PTPRD: variants seen among roughly 807,000 people sequenced by gnomAD.
PTPRD encodes protein tyrosine phosphatase receptor type D.
PTPRD carries 34 observed loss-of-function variants against 214.5 expected under a neutral mutation model. That is an observed-to-expected ratio of 0.16 (90% CI 0.12 to 0.21). The LOEUF (loss-of-function observed/expected upper bound fraction) is 0.21. Ranked by LOEUF, PTPRD falls within the 10% of genes least tolerant of loss-of-function variation. PTPRD has a pLI of 1.00. For synonymous variants in PTPRD, 1,128 were observed against 845.7 expected (o/e 1.33, Z -5.79); for missense variants, 2,545 against 2,398.7 (o/e 1.06, Z -1.27).
Position 10,077,326 on chromosome 9 carries a change from C to T in PTPRD, c.-544-43536G>A, listed in dbSNP as rs181509826. ...TTTCACATATTTCCAGTAATTCATG[C>T]AAATGTACTCTAGCTTCCTAACTTG... On this transcript the variant is annotated intron_variant, in intron 3 of 45. Coordinates refer to ENST00000381196, the MANE Select transcript of PTPRD (RefSeq NM_002839.4). 1.4e-3 allele frequency among the ~76,000 whole-genome samples: 215 copies of T among 152,204 alleles called. 2 individuals carry two copies. Among genetic ancestry groups the T allele is most frequent in the Admixed American group, 6.0e-3 (91 of 15,284 alleles).
intron 2 of PTPRD, among the ~76,000 whole-genome samples, chr9:10,417,082 T>C (rs2098498322): frequency 6.6e-6 from 1 of 151,794 alleles, no homozygotes; most frequent in South Asian, 2.1e-4. Flanking sequence ...CAACAAACTG[T>C]GGGGTTGCAG....
chr9:8,332,696 A>G (rs886191152), intron 43 of PTPRD, among the ~76,000 whole-genome samples: 2 of 152,062 alleles, frequency 1.3e-5, no homozygotes, highest in Admixed American at 6.6e-5. Context: ...TTCTAGAAGT[A>G]CAAGAAAAGT....
intron 3 of PTPRD, among the ~76,000 whole-genome samples, chr9:10,324,775 CT>C (rs2154430281): frequency 6.6e-6 from 1 of 152,112 alleles, no homozygotes; most frequent in East Asian, 1.9e-4. Flanking sequence ...CTATTCCAAG[CT>C]TTTGAAATAC....
chr9:10,276,713 G>A (rs145787866), intron 3 of PTPRD, among the ~76,000 whole-genome samples: 37 of 152,258 alleles, frequency 2.4e-4, no homozygotes, highest in African/African-American at 8.7e-4. Context: ...TCTTATGGCT[G>A]GCAATAATAG....
In PTPRD at chr9:10,283,893, C is replaced by G. The variant is rs145026407; in HGVS notation, c.-545+57070G>C. On this transcript the variant is annotated intron_variant, in intron 3 of 45. Coordinates refer to ENST00000381196, the MANE Select transcript of PTPRD (RefSeq NM_002839.4). Reference sequence around the variant, plus strand: ...TCAGTGTGACTAGAATTCACAAGTCCTATATGTTGCACCATGAGGAAATTG... The same window carrying G: ...TCAGTGTGACTAGAATTCACAAGTCGTATATGTTGCACCATGAGGAAATTG... Among the ~76,000 whole-genome samples the G allele has an allele frequency of 2.3e-3, 350 of 152,180 alleles. 6 individuals carry two copies. In the East Asian group the frequency reaches 0.03, roughly 13 times the overall value.
chr9:9,746,789 G>A (rs576877240), intron 6 of PTPRD, among the ~76,000 whole-genome samples: 3 of 149,972 alleles, frequency 2.0e-5, no homozygotes, highest in South Asian at 2.1e-4. Flanking sequence ...TTCAGGGTGT[G>A]AAGATAGACA....
intron 7 of PTPRD, among the ~76,000 whole-genome samples, chr9:9,694,744 CTGCCACCACCACTGGTTCATCTGCCA>C: frequency 6.6e-6 from 1 of 152,270 alleles, no homozygotes; most frequent in South Asian, 2.1e-4. Flanking sequence ...CTCCCTGTGG[CTGCCACCACCACTGGTTCATCTGCCA>C]TGCCACCACC....
At chr9:10,409,616 T>C (rs2098413648) in intron 2 of PTPRD, among the ~76,000 whole-genome samples, 1 of 151,848 alleles carries the variant, frequency 6.6e-6, no homozygotes, top group South Asian at 2.1e-4. Flanking sequence ...CATTTATGCA[T>C]ATACATTGTG....
At chr9:8,590,327 A>G (rs2152892) in intron 14 of PTPRD, among the ~76,000 whole-genome samples, 8,013 of 152,170 alleles carry the variant, frequency 0.053, 446 homozygotes, top group African/African-American at 0.14. Context: ...ACTTGTTCTG[A>G]ACTAAGTTAA....
intron 5 of PTPRD, among the ~76,000 whole-genome samples, chr9:9,821,414 T>C (rs983638216): frequency 5.9e-5 from 9 of 152,202 alleles, no homozygotes; most frequent in African/African-American, 2.2e-4. Context: ...TAGTCAACTT[T>C]TAGCCTACCT....
At chr9:9,064,318 T>C (rs1380097516) in intron 10 of PTPRD, among the ~76,000 whole-genome samples, 1 of 152,188 alleles carries the variant, frequency 6.6e-6, no homozygotes, top group East Asian at 1.9e-4. Context: ...CACTCTATCA[T>C]AGAATAGTCT....
chr9:8,565,983 T>C (rs2088890481), intron 14 of PTPRD, among the ~76,000 whole-genome samples: 1 of 152,048 alleles, frequency 6.6e-6, no homozygotes, highest in African/African-American at 2.4e-5. Context: ...GTATTATAGA[T>C]CAAATATGTG....
At chr9:8,742,036 G>A (rs78662276) in intron 11 of PTPRD, among the ~76,000 whole-genome samples, 4 of 152,168 alleles carry the variant, frequency 2.6e-5, no homozygotes, top group South Asian at 2.1e-4. Context: ...ATCATGAAGC[G>A]ATTATGCACC....
intron 11 of PTPRD, among the ~76,000 whole-genome samples, chr9:8,767,663 T>C (rs1001615313): frequency 1.3e-5 from 2 of 152,196 alleles, no homozygotes; most frequent in African/African-American, 2.4e-5. Flanking sequence ...AACTTGACCA[T>C]ACAATAGAAT....
At chr9:9,796,869 C>G (rs2099005881) in intron 5 of PTPRD, among the ~76,000 whole-genome samples, 1 of 152,116 alleles carries the variant, frequency 6.6e-6, no homozygotes, top group Admixed American at 6.5e-5. Flanking sequence ...ACATATACAA[C>G]TTGATGAGTT....
intron 11 of PTPRD, among the ~76,000 whole-genome samples, chr9:8,734,496 G>C (rs2098695994): frequency 6.6e-6 from 1 of 152,220 alleles, no homozygotes. Context: ...CTTCCCTGAA[G>C]ACACATCAAT....
At chr9:9,224,544 A>G (rs541569851) in intron 9 of PTPRD, among the ~76,000 whole-genome samples, 2 of 152,104 alleles carry the variant, frequency 1.3e-5, no homozygotes, top group African/African-American at 4.8e-5. Context: ...AGATAATCCA[A>G]TAGTCTACAG....
chr9:9,309,138 T>G (rs1958078764), intron 9 of PTPRD, among the ~76,000 whole-genome samples: 1 of 152,062 alleles, frequency 6.6e-6, no homozygotes, highest in Admixed American at 6.6e-5. Flanking sequence ...AAAGATATTA[T>G]TTTATCATGA....
chr9:10,526,909 T>C (rs1410141003), intron 2 of PTPRD, among the ~76,000 whole-genome samples: 2 of 152,120 alleles, frequency 1.3e-5, no homozygotes, highest in Non-Finnish European at 2.9e-5. Flanking sequence ...TATGTGTTCA[T>C]CCTCATCTGC....
Sources: gnomAD v4.1 joint callset for allele counts (sites outside exome capture counted in the v4.1 genomes callset) on GRCh38, gnomAD v4.1.1 for gene constraint, MANE v1.5 for transcripts, NCBI Gene and HGNC (gene_info 2026-07-23, HGNC 2026-07-21) for gene names.